The following CPNE8 variants were observed in gnomAD, a reference collection of about 807,000 sequenced individuals.
CPNE8 encodes the protein copine 8.
CPNE8 carries 45 observed loss-of-function variants against 81.5 expected under a neutral mutation model. The observed-to-expected ratio is 0.55, with a 90% CI of 0.44 to 0.71. CPNE8 has a LOEUF of 0.71. Among genes scored for constraint, CPNE8 ranks in the 30% least tolerant of loss-of-function variants. The pLI is 0.00. For missense variants in CPNE8, 594 were observed against 672.1 expected (o/e 0.88, Z 1.28); for synonymous variants, 252 against 226.3 (o/e 1.11, Z -1.02).
chr12:38,782,283 A>G (rs1942070978), intron 6 of CPNE8, among the ~76,000 whole-genome samples: 1 of 152,202 alleles, frequency 6.6e-6, no homozygotes, highest in African/African-American at 2.4e-5. Context: ...TCACGTTAAA[A>G]GAGACTAGAA....
intron 6 of CPNE8, among the ~76,000 whole-genome samples, chr12:38,796,373 C>A (rs59992293): frequency 0.035 from 5,286 of 151,660 alleles, 331 homozygotes; most frequent in African/African-American, 0.12. Context: ...AAATTTAGGG[C>A]AATAAAAATT....
chr12:38,870,572 C>G (rs1030827851), intron 3 of CPNE8, among the ~76,000 whole-genome samples: 1 of 152,086 alleles, frequency 6.6e-6, no homozygotes, highest in African/African-American at 2.4e-5. Flanking sequence ...TGGTCTCCCT[C>G]ATAAGTGGGA....
chr12:38,795,196 T>A (rs1482761019), intron 6 of CPNE8, among the ~76,000 whole-genome samples: 1 of 152,200 alleles, frequency 6.6e-6, no homozygotes, highest in East Asian at 1.9e-4. Flanking sequence ...TGCAGACCAC[T>A]TATCGTGCAA....
At chr12:38,888,841 G>T (rs1294585853) in intron 1 of CPNE8, among the ~76,000 whole-genome samples, 1 of 152,128 alleles carries the variant, frequency 6.6e-6, no homozygotes, top group Non-Finnish European at 1.5e-5. Context: ...TTTTACAATT[G>T]ATTTTTTTTC....
chr12:38,736,140 A>T (rs567684008), intron 10 of CPNE8, among the ~76,000 whole-genome samples: 1 of 151,826 alleles, frequency 6.6e-6, no homozygotes, highest in South Asian at 2.1e-4. Flanking sequence ...CATTTCTAAT[A>T]CAGATAGAAT....
intron 6 of CPNE8, among the ~76,000 whole-genome samples, chr12:38,814,874 G>A (rs1942998281): frequency 6.6e-6 from 1 of 151,654 alleles, no homozygotes; most frequent in African/African-American, 2.4e-5. Context: ...GTTCATCATG[G>A]ACCCCATTGA....
At chr12:38,769,529 A>G (rs566040423) in intron 7 of CPNE8, among the ~76,000 whole-genome samples, 2 of 152,272 alleles carry the variant, frequency 1.3e-5, no homozygotes, top group Admixed American at 1.3e-4. Context: ...ATGCCCCTTC[A>G]TTTCCATATA....
intron 1 of CPNE8, among the ~76,000 whole-genome samples, chr12:38,892,172 G>C (rs1479586007): frequency 6.6e-6 from 1 of 152,178 alleles, no homozygotes; most frequent in African/African-American, 2.4e-5. Context: ...GGTGGAGAAA[G>C]GGAAGACACA....
intron 10 of CPNE8, among the ~76,000 whole-genome samples, chr12:38,750,136 G>T (rs535376818): frequency 1.3e-5 from 2 of 152,266 alleles, no homozygotes; most frequent in South Asian, 2.1e-4. Context: ...TGCTTCAGAG[G>T]GTGGAAGCCC....
chr12:38,724,463 C>T (rs528135946), intron 12 of CPNE8, among the ~76,000 whole-genome samples: 60 of 152,258 alleles, frequency 3.9e-4, no homozygotes, highest in Middle Eastern at 3.4e-3. Flanking sequence ...ACACATCCCA[C>T]GAAACGAGTC....
chr12:38,795,016 T>C (rs899860634), intron 6 of CPNE8, among the ~76,000 whole-genome samples: 8 of 152,292 alleles, frequency 5.3e-5, no homozygotes, highest in African/African-American at 1.9e-4. Flanking sequence ...TGCTGGATAC[T>C]TCCTGCCCTC....
At chr12:38,906,758 G>T, upstream of CPNE8, 1 of 285,854 alleles carries the variant, frequency 3.5e-6, no homozygotes, top group Non-Finnish European at 5.2e-6. Context: ...TGCCTCACCC[G>T]AGCGCCTGCG....
rs79977305 is a variant in CPNE8, at chr12:38,725,158, G to A, written c.799-259C>T. Among the ~76,000 whole-genome samples, 1,429 of 152,202 alleles carry A rather than the reference G, an allele frequency of 9.4e-3. 18 individuals are homozygous for A. The highest frequency in any genetic ancestry group is 0.027 in the Middle Eastern group (8 of 294). On this transcript the variant is annotated intron_variant, in intron 11 of 19. Coordinates refer to ENST00000331366, the MANE Select transcript of CPNE8 (RefSeq NM_153634.3). ...ATTGATTACCCTTAACTATGGTCAC[G>A]TTCTTGATATGATAGAGACCTTTAA...
chr12:38,814,936 T>C (rs1942999029), intron 6 of CPNE8, among the ~76,000 whole-genome samples: 1 of 152,208 alleles, frequency 6.6e-6, no homozygotes, highest in Admixed American at 6.6e-5. Context: ...TTTATATATA[T>C]ATATTTTTAA....
At chr12:38,826,909 C>T (rs1256653222) in intron 6 of CPNE8, among the ~76,000 whole-genome samples, 1 of 151,476 alleles carries the variant, frequency 6.6e-6, no homozygotes, top group Non-Finnish European at 1.5e-5. Flanking sequence ...GTGGCTCACG[C>T]CTGTAATCCC....
At chr12:38,890,793 A>C (rs1232683332) in intron 1 of CPNE8, among the ~76,000 whole-genome samples, 3 of 151,866 alleles carry the variant, frequency 2.0e-5, no homozygotes, top group Non-Finnish European at 4.4e-5. Context: ...TTTTCTACTT[A>C]GGTATTTTAT....
In CPNE8 at chr12:38,839,964, T is replaced by C. The variant is rs779571711; in HGVS notation, c.291-9A>G. On this transcript the variant is annotated splice_polypyrimidine_tract_variant and intron_variant, in intron 4 of 19. Coordinates refer to ENST00000331366, the MANE Select transcript of CPNE8 (RefSeq NM_153634.3). The stretch of plus-strand genomic sequence containing the variant: ...TTGAATCAACATCATACCTAAAAGA[T>C]TGAAATATAAAACTCAAATTATTTC... 20 of 1,578,482 alleles carry C rather than the reference T, an allele frequency of 1.3e-5. No individual in the cohort carries two copies. The highest frequency in any genetic ancestry group is 1.7e-5 in the Non-Finnish European group (20 of 1,158,518).
At chr12:38,866,581 G>A (rs1245191768) in intron 3 of CPNE8, among the ~76,000 whole-genome samples, 1 of 147,296 alleles carries the variant, frequency 6.8e-6, no homozygotes, top group African/African-American at 2.7e-5. Context: ...AGCCTTAAGA[G>A]ATATATAACA....
intron 10 of CPNE8, among the ~76,000 whole-genome samples, chr12:38,752,316 T>A (rs553518325): frequency 4.0e-4 from 61 of 152,138 alleles, no homozygotes; most frequent in Non-Finnish European, 8.2e-4. Context: ...ATTCAAGAGA[T>A]GTAAATCAAT....
Sources: gnomAD v4.1 joint callset for allele counts (sites outside exome capture counted in the v4.1 genomes callset) on GRCh38, gnomAD v4.1.1 for gene constraint, MANE v1.5 for transcripts, NCBI Gene and HGNC (gene_info 2026-07-23, HGNC 2026-07-21) for gene names.